The following FAM171A1 variants were observed in gnomAD, a reference collection of about 807,000 sequenced individuals.
FAM171A1 encodes the protein protein FAM171A1.
Under a neutral mutation model 74.9 loss-of-function variants are expected in FAM171A1, and 23 were observed. The observed-to-expected ratio is 0.31, with a 90% CI of 0.22 to 0.44. The LOEUF is 0.44. Ranked by LOEUF, FAM171A1 falls within the 20% of genes least tolerant of loss-of-function variation. The pLI is 1.00. For synonymous variants in FAM171A1, 527 were observed against 505.7 expected (o/e 1.04, Z -0.57); for missense variants, 1,162 against 1,159.2 (o/e 1.00, Z -0.03).
intron 5 of FAM171A1, among the ~76,000 whole-genome samples, chr10:15,233,521 G>GGGGT (rs376109485): frequency 2.1e-5 from 3 of 145,282 alleles, no homozygotes; most frequent in African/African-American, 5.1e-5. Flanking sequence ...GTGTATTCAG[G>GGGGT]GTGTGTGTGT....
chr10:15,303,019 T>C (rs1835251285), intron 1 of FAM171A1, among the ~76,000 whole-genome samples: 1 of 152,100 alleles, frequency 6.6e-6, no homozygotes, highest in African/African-American at 2.4e-5. Context: ...TGAAACCCCG[T>C]CTCTACTAAA....
intron 1 of FAM171A1, among the ~76,000 whole-genome samples, chr10:15,326,726 C>T (rs188273558): frequency 1.2e-4 from 18 of 152,220 alleles, no homozygotes; most frequent in African/African-American, 3.4e-4. Context: ...CCCCCAGGTT[C>T]AAGCGATTCT....
At chr10:15,217,738 A>G (rs1219275563) in intron 6 of FAM171A1, among the ~76,000 whole-genome samples, 1 of 151,626 alleles carries the variant, frequency 6.6e-6, no homozygotes, top group African/African-American at 2.4e-5. Context: ...CCTGGGTTTA[A>G]GTGATTCTCC....
At position 15,287,390 on chromosome 10, in the gene FAM171A1, C is replaced by CT. The variant is rs201908913; in HGVS notation, c.98-3286dup. ...TACAGGTGTGACCCACCGCGCCGGC[C>CT]TCTTTTTTTTTTTTTTTAGACAGAG... On this transcript the variant is annotated intron_variant, in intron 1 of 7. Coordinates refer to ENST00000378116, the MANE Select transcript of FAM171A1 (RefSeq NM_001010924.2). Among the ~76,000 whole-genome samples the CT allele has an allele frequency of 2.0e-4, 28 of 140,818 alleles. 3 individuals carry two copies. The highest frequency in any genetic ancestry group is 8.9e-3 in the Middle Eastern group (2 of 224). The allele number at this position is 140,818 out of a possible 152,430, so 92.4% of individuals were successfully genotyped here.
At chr10:15,307,106 A>G (rs1289191722) in intron 1 of FAM171A1, among the ~76,000 whole-genome samples, 1 of 152,192 alleles carries the variant, frequency 6.6e-6, no homozygotes, top group Non-Finnish European at 1.5e-5. Flanking sequence ...CTGACCCAGG[A>G]GCATGAGGAT....
At chr10:15,361,214 A>T (rs1007935473) in intron 1 of FAM171A1, among the ~76,000 whole-genome samples, 4 of 152,236 alleles carry the variant, frequency 2.6e-5, no homozygotes, top group Non-Finnish European at 5.9e-5. Flanking sequence ...TCTCTCTGTT[A>T]ATATACATTT....
rs894336523 is a variant in FAM171A1, at chr10:15,287,078, A to G, written c.98-2973T>C. 6.0e-5 allele frequency among the ~76,000 whole-genome samples: 9 copies of G among 149,586 alleles called. No homozygotes were observed. In the East Asian group the frequency reaches 1.8e-3, roughly 29 times the overall value. On this transcript the variant is annotated intron_variant, in intron 1 of 7. Coordinates refer to ENST00000378116, the MANE Select transcript of FAM171A1 (RefSeq NM_001010924.2). Reference sequence around the variant, plus strand: ...CAGGATGTGCACGACACATACACACACATTTTCTTCTTCTTTTTTTTTTTT... The same window carrying G: ...CAGGATGTGCACGACACATACACACGCATTTTCTTCTTCTTTTTTTTTTTT...
Position 15,306,489 on chromosome 10 carries a change from C to T in FAM171A1, c.98-22384G>A, listed in dbSNP as rs370810046. ...AAGCGATTCTCCTGACTCAGTCTCT[C>T]GAGTAGCTGGGACTACAGGCATGCC... On this transcript the variant is annotated intron_variant, in intron 1 of 7. Transcript: ENST00000378116. Among the ~76,000 whole-genome samples, 18 of 152,060 alleles carry T rather than the reference C, an allele frequency of 1.2e-4. No individual in the cohort carries two copies. In the South Asian group the frequency reaches 2.3e-3, roughly 19 times the overall value.
chr10:15,287,502 C>T (rs915524046), intron 1 of FAM171A1, among the ~76,000 whole-genome samples: 2 of 151,994 alleles, frequency 1.3e-5, no homozygotes, highest in Non-Finnish European at 2.9e-5. Context: ...ATTCTCCTGC[C>T]TCAGCCACCA....
At position 15,221,006 on chromosome 10, in the gene FAM171A1, G is replaced by A. The variant is rs766343881; in HGVS notation, c.809C>T (p.Thr270Met). ...GLVHQEGSQL[T>M]WTYIAPQLGY... ...CAACTGGGGGGCAATGTATGTCCAC[G>A]TCAGCTGGCTGCCTTCCTGGTGCAC... The change falls in exon 6 of 8, where the codon ACG (threonine) becomes ATG (methionine). Residue 270 changes from threonine to methionine, a missense_variant. Thr to Met is a moderately conservative substitution (Grantham distance 81). Coordinates refer to ENST00000378116, the MANE Select transcript of FAM171A1 (RefSeq NM_001010924.2). 5.0e-6 allele frequency: 8 copies of A among 1,614,014 alleles called. No homozygotes were observed. Among genetic ancestry groups the A allele is most frequent in the Admixed American group, 3.3e-5 (2 of 60,006 alleles).
intron 1 of FAM171A1, among the ~76,000 whole-genome samples, chr10:15,302,421 C>A (rs1170251708): frequency 2.0e-5 from 3 of 151,266 alleles, no homozygotes; most frequent in South Asian, 2.1e-4. Flanking sequence ...GCCGAAATTG[C>A]GCCACTGCAC....
Position 15,322,938 on chromosome 10 carries a change from G to C in FAM171A1, c.98-38833C>G, listed in dbSNP as rs934743507. On this transcript the variant is annotated intron_variant, in intron 1 of 7. Transcript: ENST00000378116. Reference sequence around the variant, plus strand: ...GTGGATCCCTTGAGGCCAGGAGTTCGAGACCAGCCTGGCCAACATGGCGAA... The same window carrying C: ...GTGGATCCCTTGAGGCCAGGAGTTCCAGACCAGCCTGGCCAACATGGCGAA... 7.2e-5 allele frequency among the ~76,000 whole-genome samples: 11 copies of C among 152,142 alleles called. No individual in the cohort carries two copies. In the East Asian group the frequency reaches 2.1e-3, roughly 29 times the overall value.
intron 1 of FAM171A1, among the ~76,000 whole-genome samples, chr10:15,338,017 A>AAAACT (rs1835724577): frequency 1.3e-5 from 2 of 152,162 alleles, no homozygotes; most frequent in African/African-American, 4.8e-5. Context: ...CAAATAAATA[A>AAAACT]ATTCCTATTT....
At chr10:15,344,188 G>C (rs1303740509) in intron 1 of FAM171A1, among the ~76,000 whole-genome samples, 1 of 152,192 alleles carries the variant, frequency 6.6e-6, no homozygotes, top group Non-Finnish European at 1.5e-5. Flanking sequence ...AAAGTGCTGA[G>C]ATTTAAATTG....
At chr10:15,364,523 G>C (rs975061890) in intron 1 of FAM171A1, among the ~76,000 whole-genome samples, 1 of 152,148 alleles carries the variant, frequency 6.6e-6, no homozygotes, top group Non-Finnish European at 1.5e-5. Flanking sequence ...CTGTGTGGGC[G>C]AATCTCTATT....
intron 6 of FAM171A1, among the ~76,000 whole-genome samples, chr10:15,216,848 A>C (rs1161281026): frequency 2.2e-5 from 3 of 138,990 alleles, no homozygotes; most frequent in East Asian, 2.1e-4. Context: ...AAAAAAAAAA[A>C]CCCTACAAAG....
At chr10:15,262,810 T>C (rs1834675824) in intron 3 of FAM171A1, among the ~76,000 whole-genome samples, 1 of 152,112 alleles carries the variant, frequency 6.6e-6, no homozygotes, top group South Asian at 2.1e-4. Flanking sequence ...TGATAACAAA[T>C]GGGCTCCAAT....
At chr10:15,249,098 CTT>C (rs71390024) in intron 4 of FAM171A1, among the ~76,000 whole-genome samples, 6 of 133,868 alleles carry the variant, frequency 4.5e-5, no homozygotes, top group South Asian at 2.3e-4. Flanking sequence ...TTTCTTTTTT[CTT>C]TTTTTTTTTT....
At chr10:15,226,116 G>C (rs1041831567) in intron 5 of FAM171A1, among the ~76,000 whole-genome samples, 3 of 152,200 alleles carry the variant, frequency 2.0e-5, no homozygotes, top group African/African-American at 2.4e-5. Context: ...AGGTCATGTG[G>C]TGAAGGCAAG....
Sources: gnomAD v4.1 joint callset for allele counts (sites outside exome capture counted in the v4.1 genomes callset) on GRCh38, gnomAD v4.1.1 for gene constraint, MANE v1.5 for transcripts, NCBI Gene and HGNC (gene_info 2026-07-23, HGNC 2026-07-21) for gene names.